Variants in SLC52A1 observed in about 807,000 individuals in gnomAD.
The protein encoded by SLC52A1 is solute carrier family 52, riboflavin transporter, member 1.
In SLC52A1, 20 loss-of-function variants were observed where a neutral mutation model predicts 23.2. The ratio of observed to expected loss-of-function variants is 0.86; its 90% CI spans 0.61 to 1.25. SLC52A1 has a LOEUF of 1.25. Among genes scored for constraint, SLC52A1 ranks in the 50% most tolerant of loss-of-function variants. The pLI, the probability that SLC52A1 is intolerant of heterozygous loss-of-function variation, is 0.00. For missense variants in SLC52A1, 528 were observed against 557.0 expected, an observed-to-expected ratio of 0.95 and a Z score of 0.52; for synonymous variants, 260 against 256.6, an observed-to-expected ratio of 1.01 and a Z score of -0.13.
At chr17:5,042,239 C>G (rs564957045) in intron 1 of SLC52A1, among the ~76,000 whole-genome samples, 3 of 152,194 alleles carry the variant, frequency 2.0e-5, no homozygotes, top group Non-Finnish European at 4.4e-5. Flanking sequence ...CTTGAAGGCC[C>G]TTCATTCATG....
chr17:5,040,660 G>A (rs1264889722), intron 1 of SLC52A1, among the ~76,000 whole-genome samples: 17 of 152,178 alleles, frequency 1.1e-4, no homozygotes, highest in Admixed American at 1.1e-3. Context: ...CCAAGGTGCA[G>A]AATCCTCACC....
chr17:5,034,505 C>G lies in SLC52A1; in HGVS notation c.102G>C (p.Leu34=). Residue 34 remains leucine (L), a synonymous_variant, in exon 2 of 5, where the codon CTG becomes CTC. Transcript: ENST00000254853. Reference sequence around the variant, plus strand: ...CTGGAAGGTCTTTTACCACCACAGGCAGCTCCACCCAGATCCCGTTCACAG... The same window carrying G: ...CTGGAAGGTCTTTTACCACCACAGGGAGCTCCACCCAGATCCCGTTCACAG... ...WAAVNGIWVE[L]PVVVKDLPEG... The G allele has an allele frequency of 6.2e-7, 1 of 1,614,238 alleles. No individual in the cohort carries two copies. Among genetic ancestry groups the G allele is most frequent in the Non-Finnish European group, 8.5e-7 (1 of 1,180,048 alleles).
At chr17:5,036,040 C>CTTTTT (rs34027393), upstream of SLC52A1, among the ~76,000 whole-genome samples, 9 of 69,798 alleles carry the variant, frequency 1.3e-4, no homozygotes, top group Admixed American at 2.2e-4. Flanking sequence ...TGTTTTTACA[C>CTTTTT]TTTTTTTTTT....
Position 5,033,184 on chromosome 17 carries a change from A to C in SLC52A1, c.1135-15T>G. The C allele has an allele frequency of 6.2e-7, 1 of 1,613,658 alleles. No homozygotes were observed. The highest frequency in any genetic ancestry group is 2.2e-5 in the East Asian group (1 of 44,860). ...CACGACAGCACCTGCAAGGGAGGAC[A>C]CAGCAGCAGGCTGAGCATGACATGC... On this transcript the variant is annotated splice_polypyrimidine_tract_variant and intron_variant, in intron 4 of 4. Transcript: ENST00000254853.
At chr17:5,033,453 C>T (rs1161423248) in intron 3 of SLC52A1, 26 bp downstream of exon 3, 1 of 1,610,156 alleles carries the variant, frequency 6.2e-7, no homozygotes. Context: ...AAGTTCCACC[C>T]ACCAAGCCTG....
chr17:5,033,436 C>G, intron 3 of SLC52A1, 43 bp downstream of exon 3: 1 of 1,611,150 alleles, frequency 6.2e-7, no homozygotes, highest in Non-Finnish European at 8.5e-7. Flanking sequence ...ACCTGGACCC[C>G]AACCTTAAGT....
chr17:5,038,824 G>A (rs904989392), upstream of SLC52A1, among the ~76,000 whole-genome samples: 1 of 151,774 alleles, frequency 6.6e-6, no homozygotes. Context: ...TTCTGACCTC[G>A]TGATCCGCCC....
chr17:5,042,282 G>C (rs756426235), intron 1 of SLC52A1, among the ~76,000 whole-genome samples: 3 of 152,110 alleles, frequency 2.0e-5, no homozygotes, highest in Non-Finnish European at 4.4e-5. Context: ...TCTTCCTACT[G>C]ACTTCCTCTT....
chr17:5,040,333 C>G (rs1370457608), upstream of SLC52A1, among the ~76,000 whole-genome samples: 2 of 152,050 alleles, frequency 1.3e-5, no homozygotes, highest in African/African-American at 4.8e-5. Context: ...ACCACCACAC[C>G]TGGCTAATTT....
Position 5,034,005 on chromosome 17 carries a change from C to T in SLC52A1, c.484G>A (p.Ala162Thr). 6.2e-7 allele frequency: 1 copy of T among 1,613,888 alleles called. No homozygotes were observed. Among genetic ancestry groups the T allele is most frequent in the Non-Finnish European group, 8.5e-7 (1 of 1,179,874 alleles). ...GLSALLPCVL[A>T]LVQGVGRLEC... ...AGGCGGCCCACACCTTGCACTAGGGCCAGCACACAGGGGAGTAGGGCACTG... is the reference window on the plus strand; with the variant it reads ...AGGCGGCCCACACCTTGCACTAGGGTCAGCACACAGGGGAGTAGGGCACTG... Residue 162 changes from alanine (A) to threonine (T), a missense_variant, in exon 3 of 5, where the codon GCC becomes ACC. Transcript: ENST00000254853.
upstream of SLC52A1, among the ~76,000 whole-genome samples, chr17:5,040,261 A>G (rs1567737498): frequency 6.6e-6 from 1 of 151,698 alleles, no homozygotes; most frequent in Non-Finnish European, 1.5e-5. Flanking sequence ...GCAGCCTTAA[A>G]CTCCCAGGCT....
rs1005182866 is a variant in SLC52A1, at chr17:5,034,661, C to T, written c.-55G>A. The T allele has an allele frequency of 6.2e-7, 1 of 1,602,222 alleles. No individual in the cohort carries two copies. Among genetic ancestry groups the T allele is most frequent in the African/African-American group, 1.3e-5 (1 of 74,536 alleles). ...GGCAAAGGTCACAGGCAGGTCCTTC[C>T]CTAGGTAGGTCCAAAGATGCTTTGG... On this transcript the variant is annotated 5_prime_UTR_variant, in exon 2 of 5. Transcript: ENST00000254853.
rs757287235 is a variant in SLC52A1, at chr17:5,032,913, G to A, written c.*44C>T. The stretch of plus-strand genomic sequence containing the variant: ...TAGTCAGGCACTGTGGCAGCCTCAC[G>A]ATGAAGACAGGTGGGGTGGAGTTGG... On this transcript the variant is annotated 3_prime_UTR_variant, in exon 5 of 5. Transcript: ENST00000254853. 23 of 1,567,502 alleles carry A rather than the reference G, an allele frequency of 1.5e-5. No homozygotes were observed. The highest frequency in any genetic ancestry group is 9.0e-5 in the South Asian group (8 of 89,366).
upstream of SLC52A1, among the ~76,000 whole-genome samples, chr17:5,037,492 C>T (rs538597134): frequency 6.6e-6 from 1 of 151,998 alleles, no homozygotes; most frequent in African/African-American, 2.4e-5. Flanking sequence ...GCAGTCCAGT[C>T]GAGACAACAG....
chr17:5,033,470 CT>C lies in SLC52A1; in HGVS notation c.1010+8del. Reference sequence around the variant, plus strand: ...GTTCCACCCACCAAGCCTGGGGACCCTTTTGCACCTGCACAGCACGCCCATG... The same window carrying C: ...GTTCCACCCACCAAGCCTGGGGACCCTTTGCACCTGCACAGCACGCCCATG... On this transcript the variant is annotated splice_region_variant and intron_variant, in intron 3 of 4. Coordinates refer to ENST00000254853, the MANE Select transcript of SLC52A1 (RefSeq NM_017986.4). 1 of 1,609,616 alleles carries C rather than the reference CT, an allele frequency of 6.2e-7. No homozygotes were observed. Among genetic ancestry groups the C allele is most frequent in the Non-Finnish European group, 8.5e-7 (1 of 1,177,690 alleles).
Position 5,034,705 on chromosome 17 carries a change from A to G in SLC52A1, c.-99T>C. The G allele has an allele frequency of 6.7e-7, 1 of 1,499,064 alleles. No homozygotes were observed. 92.9% of individuals were successfully genotyped at this position (1,499,064 alleles called of 1,614,324 possible). On this transcript the variant is annotated 5_prime_UTR_variant, in exon 2 of 5. Coordinates refer to ENST00000254853, the MANE Select transcript of SLC52A1 (RefSeq NM_017986.4). ...GCTTTGGTTCTTCTGGAAACTGAAG[A>G]CCTTCTAGCTGGAGGGAAACAGACA...
upstream of SLC52A1, among the ~76,000 whole-genome samples, chr17:5,037,196 A>C (rs1266613387): frequency 6.6e-6 from 1 of 152,160 alleles, no homozygotes; most frequent in African/African-American, 2.4e-5. Context: ...CGTATTTCCT[A>C]ACCCGTGAAA....
In SLC52A1 at chr17:5,032,939, G is replaced by A; in HGVS notation, c.*18C>T. 1.2e-6 allele frequency: 2 copies of A among 1,602,234 alleles called. No homozygotes were observed. Among genetic ancestry groups the A allele is most frequent in the Non-Finnish European group, 1.7e-6 (2 of 1,170,512 alleles). ...ATGAAGACAGGTGGGGTGGAGTTGG[G>A]TCCCCACCTGCCCAGGCTCAGGGGC... On this transcript the variant is annotated 3_prime_UTR_variant, in exon 5 of 5. Transcript: ENST00000254853.
chr17:5,033,926 G>A lies in SLC52A1; in HGVS notation c.563C>T (p.Pro188Leu), dbSNP rs369721411. 21 of 1,614,230 alleles carry A rather than the reference G, an allele frequency of 1.3e-5. No homozygotes were observed. The highest frequency in any genetic ancestry group is 6.7e-5 in the Admixed American group (4 of 60,028). Reference protein sequence around the residue: ...NGTSGPPLDFPERFPASTFFW... With the variant: ...NGTSGPPLDFLERFPASTFFW... ...GAAGGTGCTGGCAGGAAAACGCTCAGGGAAGTCGAGGGGAGGCCCAGAGGT... is the reference window on the plus strand; with the variant it reads ...GAAGGTGCTGGCAGGAAAACGCTCAAGGAAGTCGAGGGGAGGCCCAGAGGT... The change falls in exon 3 of 5, where the codon CCT (proline) becomes CTT (leucine). Residue 188 changes from proline (P) to leucine (L), a missense_variant. By Grantham distance (98) the Pro-to-Leu change is moderately conservative. Transcript: ENST00000254853.
Sources: allele counts gnomAD v4.1 joint callset (sites outside exome capture counted in the v4.1 genomes callset), GRCh38; gene constraint gnomAD v4.1.1; transcripts MANE v1.5; gene names NCBI Gene and HGNC (gene_info 2026-07-23, HGNC 2026-07-21).